The following ACTR5 variants were observed in gnomAD, a reference collection of about 807,000 sequenced individuals.
The protein encoded by ACTR5 is actin related protein 5, also known as actin-related protein 5.
A neutral mutation model predicts 61.2 loss-of-function variants in ACTR5; 43 were observed. The observed-to-expected ratio is 0.70, with a 90% CI of 0.55 to 0.91. The LOEUF is 0.91. Among genes scored for constraint, ACTR5 ranks in the 40% least tolerant of loss-of-function variants. ACTR5 has a pLI of 0.00. For missense variants in ACTR5, 798 were observed against 782.2 expected (o/e 1.02, Z -0.24); for synonymous variants, 333 against 310.5 (o/e 1.07, Z -0.76).
chr20:38,770,351 A>G (rs1601206143), intron 8 of ACTR5, among the ~76,000 whole-genome samples: 1 of 152,252 alleles, frequency 6.6e-6, no homozygotes, highest in Admixed American at 6.5e-5. Context: ...CAAAAATATC[A>G]GACAATTTAA....
chr20:38,754,391 C>T (rs528287592), intron 3 of ACTR5, among the ~76,000 whole-genome samples: 37 of 151,994 alleles, frequency 2.4e-4, no homozygotes, highest in African/African-American at 8.7e-4. Context: ...TCCATCTGAC[C>T]TATGTCTGAA....
Position 38,766,481 on chromosome 20 carries a change from C to T in ACTR5, c.1433+104C>T, listed in dbSNP as rs2084487631. The T allele has an allele frequency of 1.6e-5, 22 of 1,365,430 alleles. 1 individual carries two copies. In the South Asian group the frequency reaches 3.1e-4, roughly 19 times the overall value. 84.6% of individuals were successfully genotyped at this position (1,365,430 alleles called of 1,614,324 possible). A position where few individuals can be genotyped will look rare whatever the true frequency, so the allele number is the denominator to read the frequency against. ...GTCAGGCACTTGAAAATGCATCTCA[C>T]TCTCTTCTTTTCATTGACTTGCTGT... On this transcript the variant is annotated intron_variant, in intron 7 of 8. Transcript: ENST00000243903.
intron 5 of ACTR5, among the ~76,000 whole-genome samples, chr20:38,759,482 A>G (rs190069683): frequency 6.6e-6 from 1 of 152,346 alleles, no homozygotes; most frequent in Admixed American, 6.5e-5. Context: ...GAATTGGGAT[A>G]AATAAATGTC....
At chr20:38,759,948 T>C (rs2145671439) in intron 5 of ACTR5, among the ~76,000 whole-genome samples, 1 of 152,104 alleles carries the variant, frequency 6.6e-6, no homozygotes, top group Middle Eastern at 3.4e-3. Context: ...GGAAGATCAC[T>C]TGTGCCCAGC....
intron 5 of ACTR5, among the ~76,000 whole-genome samples, chr20:38,759,662 G>A (rs2084441786): frequency 6.6e-6 from 1 of 152,086 alleles, no homozygotes; most frequent in Non-Finnish European, 1.5e-5. Context: ...TATCCCAGGG[G>A]CCCACCACTC....
Position 38,755,172 on chromosome 20 carries a change from C to T in ACTR5, c.991C>T (p.Gln331Ter), listed in dbSNP as rs1444735620. ...QERLDRLLYV[Q>*]ELLEDGQMDQ... ...GCGTCTGGACCGACTGCTATATGTG[C>T]AGGTAATAGCAGACACAGGGACGGG... is the stretch of plus-strand genomic sequence containing the variant. The change falls in exon 4 of 9, where the codon CAG (glutamine) becomes TAG (stop). Residue 331 changes from glutamine (Q) to a stop codon, truncating the protein, a stop_gained and splice_region_variant. Transcript: ENST00000243903. LOFTEE classifies it high-confidence loss of function. 3 of 1,594,450 alleles carry T rather than the reference C, an allele frequency of 1.9e-6. No individual in the cohort carries two copies. The highest frequency in any genetic ancestry group is 2.2e-5 in the East Asian group (1 of 44,618).
intron 3 of ACTR5, among the ~76,000 whole-genome samples, chr20:38,753,116 A>G (rs2084396734): frequency 6.6e-6 from 1 of 152,194 alleles, no homozygotes; most frequent in South Asian, 2.1e-4. Flanking sequence ...CTCAGTCCGG[A>G]GAGTTAGAGG....
In ACTR5 at chr20:38,755,105, C is replaced by A. The variant is rs1369422132; in HGVS notation, c.924C>A (p.Leu308=). The A allele has an allele frequency of 6.2e-7, 1 of 1,614,004 alleles. No individual in the cohort carries two copies. Among genetic ancestry groups the A allele is most frequent in the Non-Finnish European group, 8.5e-7 (1 of 1,180,004 alleles). The change falls in exon 4 of 9, where the codon CTC becomes CTA. Residue 308 remains leucine (L), a synonymous_variant. Coordinates refer to ENST00000243903, the MANE Select transcript of ACTR5 (RefSeq NM_024855.4). ...RQQQLRRLQE[L]NARRREEKLQ... ...AGCAATTGCGGCGGCTGCAGGAGCTCAATGCCCGGCGGCGGGAGGAGAAGC... is the reference window on the plus strand; with the variant it reads ...AGCAATTGCGGCGGCTGCAGGAGCTAAATGCCCGGCGGCGGGAGGAGAAGC...
chr20:38,750,619 TTTTGTTTTTG>T (rs1180660840), intron 2 of ACTR5, among the ~76,000 whole-genome samples: 3,232 of 151,032 alleles, frequency 0.021, 121 homozygotes, highest in African/African-American at 0.074. Flanking sequence ...TTTTTTTTGT[TTTTGTTTTTG>T]TTTGTTTGTT....
chr20:38,751,994 T>TC, intron 2 of ACTR5, 137 bp from the exon 3 acceptor site: 2 of 991,188 alleles, frequency 2.0e-6, no homozygotes, highest in East Asian at 5.3e-5. Flanking sequence ...CAACGTCCCT[T>TC]CTGACTATCA....
chr20:38,759,184 C>T (rs376061107), intron 5 of ACTR5, among the ~76,000 whole-genome samples: 11 of 152,342 alleles, frequency 7.2e-5, no homozygotes, highest in East Asian at 3.9e-4. Context: ...GAAAGTTCTC[C>T]GGCTTTACTA....
At position 38,767,581 on chromosome 20, in the gene ACTR5, C is replaced by T. The variant is rs757635595; in HGVS notation, c.1551C>T (p.Phe517=). ...MEKELLEMRP[F]RSSFQVQLAS... is the part of the protein sequence containing the mutation. ...AGGAACTGTTGGAGATGAGACCCTT[C>T]CGGTCTTCTTTTCAGGTACTGATTG... The change falls in exon 8 of 9, where the codon TTC becomes TTT. Residue 517 remains phenylalanine (F), a synonymous_variant. Coordinates refer to ENST00000243903, the MANE Select transcript of ACTR5 (RefSeq NM_024855.4). 1.9e-6 allele frequency: 3 copies of T among 1,612,378 alleles called. No individual in the cohort carries two copies. Among genetic ancestry groups the T allele is most frequent in the Non-Finnish European group, 1.7e-6 (2 of 1,179,086 alleles).
chr20:38,770,546 A>G (rs144487329), intron 8 of ACTR5, among the ~76,000 whole-genome samples: 6 of 152,152 alleles, frequency 3.9e-5, no homozygotes, highest in Admixed American at 2.0e-4. Flanking sequence ...CAATAGGTAC[A>G]TTTCCAGAGC....
chr20:38,770,068 C>T (rs1208419659), intron 8 of ACTR5, among the ~76,000 whole-genome samples: 1 of 152,198 alleles, frequency 6.6e-6, no homozygotes, highest in East Asian at 1.9e-4. Flanking sequence ...TTTCCCAGCC[C>T]TGCTTTTGCT....
intron 5 of ACTR5, among the ~76,000 whole-genome samples, chr20:38,763,469 T>C (rs1177029173): frequency 6.6e-6 from 1 of 152,210 alleles, no homozygotes; most frequent in Admixed American, 6.5e-5. Flanking sequence ...TGCTGCTGCA[T>C]GTAAAATCTT....
At chr20:38,771,398 G>C (rs1005939193) in intron 8 of ACTR5, among the ~76,000 whole-genome samples, 161 bp from the exon 9 acceptor site, 1 of 152,222 alleles carries the variant, frequency 6.6e-6, no homozygotes, top group Non-Finnish European at 1.5e-5. Context: ...GCTCACCTTT[G>C]TTTACAGGGT....
At position 38,748,568 on chromosome 20, in the gene ACTR5, G is replaced by A; in HGVS notation, c.90G>A (p.Pro30=). 2 of 1,519,862 alleles carry A rather than the reference G, an allele frequency of 1.3e-6. No individual in the cohort carries two copies. The highest frequency in any genetic ancestry group is 1.8e-6 in the Non-Finnish European group (2 of 1,136,864). 94.1% of individuals were successfully genotyped at this position (1,519,862 alleles called of 1,614,324 possible). A position where few individuals can be genotyped will look rare whatever the true frequency, so the allele number is the denominator to read the frequency against. Residue 30 remains proline (P), a synonymous_variant, in exon 1 of 9, where the codon CCG becomes CCA. Coordinates refer to ENST00000243903, the MANE Select transcript of ACTR5 (RefSeq NM_024855.4). ...EAGPVAHGPL[P]VPLVLDNGSF... is the part of the protein sequence containing the mutation. ...GCCCGGTGGCACACGGGCCACTGCC[G>A]GTACCGCTGGTGCTGGACAACGGGT...
At chr20:38,757,755 T>C (rs994585841) in intron 5 of ACTR5, among the ~76,000 whole-genome samples, 19 of 151,092 alleles carry the variant, frequency 1.3e-4, no homozygotes, top group African/African-American at 4.6e-4. Context: ...GGACAGTACA[T>C]GAGTGTATGC....
At chr20:38,756,081 G>A in intron 5 of ACTR5, 42 bp downstream of exon 5, 2 of 1,563,310 alleles carry the variant, frequency 1.3e-6, no homozygotes, top group Non-Finnish European at 1.7e-6. Context: ...CTTGAGGGGA[G>A]GAGTGTCCTG....
Sources: gnomAD v4.1 joint callset for allele counts (sites outside exome capture counted in the v4.1 genomes callset) on GRCh38, gnomAD v4.1.1 for gene constraint, MANE v1.5 for transcripts, NCBI Gene and HGNC (gene_info 2026-07-23, HGNC 2026-07-21) for gene names.